Variants in EPHA3 observed in about 807,000 individuals in gnomAD.
EPHA3 encodes the protein EPH receptor A3, also known as ephrin type-A receptor 3.
A neutral mutation model predicts 107.1 loss-of-function variants in EPHA3; 42 were observed. The ratio of observed to expected loss-of-function variants is 0.39; its 90% CI spans 0.31 to 0.51. The LOEUF (loss-of-function observed/expected upper bound fraction) is 0.51. EPHA3 is among the 20% of genes least tolerant of loss of function. The probability of loss-of-function intolerance (pLI) is 0.78; values close to 1 mark genes in which losing one functional copy is unlikely to be tolerated. For synonymous variants in EPHA3, 461 were observed against 424.8 expected, an observed-to-expected ratio of 1.09 and a Z score of -1.05; for missense variants, 1,183 against 1,211.2, an observed-to-expected ratio of 0.98 and a Z score of 0.35.
chr3:89,303,647 T>G (rs1294798485), intron 3 of EPHA3, among the ~76,000 whole-genome samples: 1 of 152,156 alleles, frequency 6.6e-6, no homozygotes, highest in Non-Finnish European at 1.5e-5. Flanking sequence ...AAATTGATTT[T>G]TTTCTATATC....
intron 5 of EPHA3, among the ~76,000 whole-genome samples, chr3:89,373,557 A>G (rs1708347210): frequency 6.6e-6 from 1 of 151,836 alleles, no homozygotes; most frequent in Admixed American, 6.6e-5. Flanking sequence ...GTGTAAGCCC[A>G]CTGGTCTCAT....
intron 2 of EPHA3, among the ~76,000 whole-genome samples, chr3:89,191,421 C>T (rs1446897695): frequency 6.6e-6 from 1 of 151,898 alleles, no homozygotes. Flanking sequence ...ATTCTCCTGC[C>T]TCAGCCTCCC....
At chr3:89,219,690 TTTTTTTTTTTTTGTTTTTTG>T (rs1211984646) in intron 3 of EPHA3, among the ~76,000 whole-genome samples, 4 of 14,684 alleles carry the variant, frequency 2.7e-4, no homozygotes, top group South Asian at 2.1e-3. Context: ...TTGGCAATGT[TTTTTTTTTTTTTGTTTTTTG>T]TTTTTTTTTT....
At chr3:89,460,010 A>C (rs1250668850) in intron 15 of EPHA3, among the ~76,000 whole-genome samples, 2 of 152,208 alleles carry the variant, frequency 1.3e-5, no homozygotes, top group Non-Finnish European at 2.9e-5. Flanking sequence ...GATTTAAATA[A>C]ATTTATTCAC....
chr3:89,246,524 C>G (rs1270798931), intron 3 of EPHA3, among the ~76,000 whole-genome samples: 5 of 152,154 alleles, frequency 3.3e-5, no homozygotes, highest in Non-Finnish European at 7.3e-5. Flanking sequence ...CCCTGCTGGC[C>G]TAACTCTTTG....
Position 89,419,401 on chromosome 3 carries a change from T to C in EPHA3, c.2074+11T>C, listed in dbSNP as rs761609325. The C allele has an allele frequency of 8.9e-6, 14 of 1,578,376 alleles. No homozygotes were observed. The highest frequency in any genetic ancestry group is 1.2e-5 in the Non-Finnish European group (14 of 1,163,594). On this transcript the variant is annotated intron_variant, in intron 11 of 16. Transcript: ENST00000336596. ...GAGTTGTTACCAAAAGTAAGTAAAGTAGTCATAAGACCTGTGTTTCCGTAT... is the reference window on the plus strand; with the variant it reads ...GAGTTGTTACCAAAAGTAAGTAAAGCAGTCATAAGACCTGTGTTTCCGTAT...
chr3:89,112,046 T>C (rs1707121774), intron 1 of EPHA3, among the ~76,000 whole-genome samples: 1 of 152,070 alleles, frequency 6.6e-6, no homozygotes, highest in Non-Finnish European at 1.5e-5. Flanking sequence ...GTTAGTTGGA[T>C]ATACTTCTAA....
At chr3:89,442,398 C>T (rs1709802309) in intron 13 of EPHA3, among the ~76,000 whole-genome samples, 1 of 152,074 alleles carries the variant, frequency 6.6e-6, no homozygotes, top group Admixed American at 6.6e-5. Flanking sequence ...GGATTACTTT[C>T]CCTTGATGAT....
At chr3:89,168,102 C>A (rs986878634) in intron 2 of EPHA3, among the ~76,000 whole-genome samples, 2 of 152,106 alleles carry the variant, frequency 1.3e-5, no homozygotes, top group African/African-American at 4.8e-5. Flanking sequence ...TAACACAGAT[C>A]ACAGTGTGGC....
intron 3 of EPHA3, among the ~76,000 whole-genome samples, chr3:89,230,804 TCC>T (rs1475250251): frequency 8.3e-5 from 10 of 120,148 alleles, no homozygotes; most frequent in African/African-American, 2.4e-4. Flanking sequence ...TCTCTCTCTC[TCC>T]CTCTCTCTCT....
chr3:89,122,925 T>A (rs913774817), intron 1 of EPHA3, among the ~76,000 whole-genome samples: 3 of 152,186 alleles, frequency 2.0e-5, no homozygotes, highest in Non-Finnish European at 2.9e-5. Flanking sequence ...GCAATTTTAC[T>A]AGGAGTGGAC....
chr3:89,265,395 G>A (rs979888555), intron 3 of EPHA3, among the ~76,000 whole-genome samples: 7 of 152,052 alleles, frequency 4.6e-5, no homozygotes, highest in African/African-American at 7.2e-5. Context: ...ATAGCTCTGC[G>A]TAGTTCTACA....
chr3:89,457,710 T>C lies in EPHA3; in HGVS notation c.2690+7340T>C, dbSNP rs1324277531. Among the ~76,000 whole-genome samples the C allele has an allele frequency of 3.3e-5, 5 of 152,322 alleles. No homozygotes were observed. In the East Asian group the frequency reaches 7.7e-4, roughly 24 times the overall value. On this transcript the variant is annotated intron_variant, in intron 15 of 16. Coordinates refer to ENST00000336596, the MANE Select transcript of EPHA3 (RefSeq NM_005233.6). Reference sequence around the variant, plus strand: ...ATAAGGAAAGGGGAGACACTGAAGTTACTGAAGTGATATGTTGCACTGTGT... The same window carrying C: ...ATAAGGAAAGGGGAGACACTGAAGTCACTGAAGTGATATGTTGCACTGTGT...
intron 16 of EPHA3, among the ~76,000 whole-genome samples, chr3:89,473,299 T>A: frequency 6.6e-6 from 1 of 152,218 alleles, no homozygotes; most frequent in East Asian, 1.9e-4. Flanking sequence ...AATAATCAAG[T>A]ATAATATGCT....
intron 3 of EPHA3, among the ~76,000 whole-genome samples, chr3:89,295,875 C>T (rs1706340686): frequency 6.6e-6 from 1 of 152,186 alleles, no homozygotes; most frequent in Non-Finnish European, 1.5e-5. Context: ...CAGGCATGAC[C>T]CACCACACCC....
Position 89,265,370 on chromosome 3 carries a change from C to T in EPHA3, c.814+54850C>T, listed in dbSNP as rs116108303. On this transcript the variant is annotated intron_variant, in intron 3 of 16. Transcript: ENST00000336596. ...TTCAACAATTAATTTTCATGAAGTT[C>T]GTTAGGTGATATAAATAGCTCTGCG... Among the ~76,000 whole-genome samples the T allele has an allele frequency of 5.3e-3, 805 of 152,080 alleles. 8 individuals carry two copies. The highest frequency in any genetic ancestry group is 0.018 in the African/African-American group (750 of 41,504).
At position 89,341,977 on chromosome 3, in the gene EPHA3, A is replaced by T. The variant is rs1559654273; in HGVS notation, c.1193A>T (p.Asp398Val). 6.2e-7 allele frequency: 1 copy of T among 1,613,202 alleles called. No homozygotes were observed. The highest frequency in any genetic ancestry group is 1.7e-5 in the Admixed American group (1 of 59,848). Residue 398 changes from aspartate to valine, a missense_variant, in exon 5 of 17, where the codon GAC (aspartate) becomes GTC (valine). Coordinates refer to ENST00000336596, the MANE Select transcript of EPHA3 (RefSeq NM_005233.6). ...ACCAACACCACGGTGACAGTGACAGACCTTCTGGCACATACTAACTACACC... is the reference window on the plus strand; with the variant it reads ...ACCAACACCACGGTGACAGTGACAGTCCTTCTGGCACATACTAACTACACC... The part of the protein sequence containing the change: ...GLTNTTVTVT[D>V]LLAHTNYTFE...
In EPHA3 at chr3:89,466,527, C is replaced by G. The variant is rs1576392737; in HGVS notation, c.2691-5937C>G. ...CTCCGAGCCAGGTGTGGGATATAGT[C>G]TTGTGGTGCGCCGTTTCTTAAGCCG... On this transcript the variant is annotated intron_variant, in intron 15 of 16. Coordinates refer to ENST00000336596, the MANE Select transcript of EPHA3 (RefSeq NM_005233.6). 1.5e-5 allele frequency among the ~76,000 whole-genome samples: 2 copies of G among 133,896 alleles called. 1 individual carries two copies. Among genetic ancestry groups the G allele is most frequent in the African/African-American group, 5.8e-5 (2 of 34,258 alleles). The allele number at this position is 133,896 out of a possible 152,430, so 87.8% of individuals were successfully genotyped here. A position where few individuals can be genotyped will look rare whatever the true frequency, so the allele number is the denominator to read the frequency against.
At chr3:89,324,308 C>T (rs1707115393) in intron 3 of EPHA3, among the ~76,000 whole-genome samples, 1 of 151,678 alleles carries the variant, frequency 6.6e-6, no homozygotes, top group Non-Finnish European at 1.5e-5. Context: ...GCTGGGATTA[C>T]AGATGTGTGC....
Sources: allele counts gnomAD v4.1 joint callset (sites outside exome capture counted in the v4.1 genomes callset), GRCh38; gene constraint gnomAD v4.1.1; transcripts MANE v1.5; gene names NCBI Gene and HGNC (gene_info 2026-07-23, HGNC 2026-07-21).